The following PTPRG variants were observed in gnomAD, a reference collection of about 807,000 sequenced individuals.
PTPRG encodes protein tyrosine phosphatase receptor type G.
PTPRG carries 102 observed loss-of-function variants against 165.3 expected under a neutral mutation model. The ratio of observed to expected loss-of-function variants is 0.62; its 90% CI spans 0.53 to 0.73. PTPRG has a LOEUF of 0.73. Among genes scored for constraint, PTPRG ranks in the 30% least tolerant of loss-of-function variants. The probability of loss-of-function intolerance (pLI) is 0.00; values close to 1 mark genes in which losing one functional copy is unlikely to be tolerated. For missense variants in PTPRG, 1,866 were observed against 1,861.4 expected (o/e 1.00, Z -0.05); for synonymous variants, 675 against 669.5 (o/e 1.01, Z -0.13).
intron 15 of PTPRG, among the ~76,000 whole-genome samples, chr3:62,248,715 C>G (rs1428678531): frequency 2.6e-5 from 4 of 152,152 alleles, no homozygotes; most frequent in African/African-American, 9.7e-5. Flanking sequence ...AAGAGCTTTC[C>G]TAAATATGCA....
chr3:61,806,346 G>C (rs182282724), intron 2 of PTPRG, among the ~76,000 whole-genome samples: 313 of 152,276 alleles, frequency 2.1e-3, no homozygotes, highest in Middle Eastern at 6.8e-3. Context: ...TGTTACACAA[G>C]TGCATGTAGG....
At chr3:62,279,112 C>T (rs1175266899) in intron 26 of PTPRG, among the ~76,000 whole-genome samples, 1 of 151,972 alleles carries the variant, frequency 6.6e-6, no homozygotes, top group Non-Finnish European at 1.5e-5. Context: ...CATCATTGCA[C>T]AGTTTTTCCT....
intron 6 of PTPRG, among the ~76,000 whole-genome samples, chr3:62,148,297 G>A (rs1704197492): frequency 6.6e-6 from 1 of 152,140 alleles, no homozygotes; most frequent in Admixed American, 6.5e-5. Context: ...AGGTGAGGAG[G>A]CAGGTAGGTG....
At chr3:62,052,979 G>T (rs1337159687) in intron 4 of PTPRG, among the ~76,000 whole-genome samples, 2 of 152,116 alleles carry the variant, frequency 1.3e-5, no homozygotes, top group African/African-American at 4.8e-5. Flanking sequence ...AGGAAGCACA[G>T]CCCACACCAC....
At chr3:61,811,803 C>T (rs2035585076) in intron 2 of PTPRG, among the ~76,000 whole-genome samples, 1 of 152,142 alleles carries the variant, frequency 6.6e-6, no homozygotes, top group African/African-American at 2.4e-5. Context: ...TATAAAAATT[C>T]CCTCAAGAGT....
At position 61,682,280 on chromosome 3, in the gene PTPRG, A is replaced by G. The variant is rs557943595; in HGVS notation, c.86-66598A>G. Among the ~76,000 whole-genome samples the G allele has an allele frequency of 3.0e-4, 45 of 152,148 alleles. 1 individual carries two copies. In the South Asian group the frequency reaches 7.5e-3, roughly 25 times the overall value. On this transcript the variant is annotated intron_variant, in intron 1 of 29. Transcript: ENST00000474889. ...ATTCTCTGAATTTGATAATTCTACT[A>G]TGATTATATACGAGAATGTCTTTGT...
intron 4 of PTPRG, among the ~76,000 whole-genome samples, chr3:62,047,818 C>T (rs1281623386): frequency 6.6e-6 from 1 of 152,150 alleles, no homozygotes; most frequent in Non-Finnish European, 1.5e-5. Flanking sequence ...ATGCAATCAG[C>T]TTTTCTCTTC....
chr3:61,710,949 G>A (rs140007165), intron 1 of PTPRG, among the ~76,000 whole-genome samples: 24 of 151,990 alleles, frequency 1.6e-4, no homozygotes, highest in Admixed American at 9.2e-4. Context: ...AGGCCCTGGT[G>A]TGTGATGTTC....
intron 2 of PTPRG, among the ~76,000 whole-genome samples, chr3:61,977,195 AC>A (rs2040530443): frequency 1.6e-5 from 2 of 128,354 alleles, no homozygotes; most frequent in African/African-American, 6.3e-5. Context: ...GCCCTCCCCC[AC>A]CCCCCACACT....
rs921741206 is a variant in PTPRG, at chr3:61,716,206, C to T, written c.86-32672C>T. On this transcript the variant is annotated intron_variant, in intron 1 of 29. Coordinates refer to ENST00000474889, the MANE Select transcript of PTPRG (RefSeq NM_002841.4). ...CGTCACAACTCTGAGGTTCCTCTAACGTCATCTTGAACTCTGCAGAAGTGT... is the reference window on the plus strand; with the variant it reads ...CGTCACAACTCTGAGGTTCCTCTAATGTCATCTTGAACTCTGCAGAAGTGT... Among the ~76,000 whole-genome samples, 4 of 152,176 alleles carry T rather than the reference C, an allele frequency of 2.6e-5. No individual in the cohort carries two copies. In the South Asian group the frequency reaches 6.2e-4, roughly 24 times the overall value.
chr3:62,015,296 C>T (rs2107746655), intron 4 of PTPRG, among the ~76,000 whole-genome samples: 1 of 152,148 alleles, frequency 6.6e-6, no homozygotes, highest in East Asian at 1.9e-4. Flanking sequence ...GAGGCAGGAA[C>T]CCGGGGCTGC....
intron 28 of PTPRG, 80 bp downstream of exon 28, chr3:62,282,949 C>T (rs1410731671): frequency 1.3e-5 from 18 of 1,384,132 alleles, no homozygotes; most frequent in East Asian, 2.4e-5. Context: ...AAAAGGAAGC[C>T]AGAATTTTAA....
At chr3:61,989,186 T>G (rs1413021836) in intron 2 of PTPRG, among the ~76,000 whole-genome samples, 1 of 152,160 alleles carries the variant, frequency 6.6e-6, no homozygotes, top group African/African-American at 2.4e-5. Flanking sequence ...TAATTTTTTT[T>G]CCCTTTTTCA....
At chr3:62,092,444 A>AAAAAAAAG (rs1336622652) in intron 5 of PTPRG, among the ~76,000 whole-genome samples, 16 of 147,632 alleles carry the variant, frequency 1.1e-4, no homozygotes, top group Non-Finnish European at 4.4e-5. Flanking sequence ...CATCTGAAAA[A>AAAAAAAAG]AAAAAAAAAA....
At chr3:62,125,269 G>T (rs1328392568) in intron 5 of PTPRG, among the ~76,000 whole-genome samples, 1 of 152,134 alleles carries the variant, frequency 6.6e-6, no homozygotes, top group Admixed American at 6.5e-5. Flanking sequence ...TCAAAAGAAG[G>T]ATCAACCTGG....
intron 2 of PTPRG, among the ~76,000 whole-genome samples, chr3:61,766,523 A>C (rs1267020726): frequency 6.6e-6 from 1 of 152,064 alleles, no homozygotes; most frequent in Non-Finnish European, 1.5e-5. Flanking sequence ...GTAGATCTGG[A>C]ATTTCAGCTC....
chr3:62,234,936 T>C (rs946879358), intron 14 of PTPRG, among the ~76,000 whole-genome samples: 16 of 146,162 alleles, frequency 1.1e-4, no homozygotes, highest in Non-Finnish European at 3.0e-5. Flanking sequence ...TGAATCTACT[T>C]CCCCCCCCCG....
In PTPRG at chr3:62,255,216, G is replaced by T; in HGVS notation, c.2559+1G>T. ...GCATGGGTTCTCTGAGGATTTTGAG[G>T]TATGTTTCAAGGCTGGAAGTTAACT... On this transcript the variant is annotated splice_donor_variant, in intron 16 of 29. Transcript: ENST00000474889. LOFTEE classifies it high-confidence loss of function. The surrounding 1 kb of genome is among the most constrained non-coding windows in gnomAD (Gnocchi z 4.0). 1 of 1,609,150 alleles carries T rather than the reference G, an allele frequency of 6.2e-7. No individual in the cohort carries two copies. The highest frequency in any genetic ancestry group is 8.5e-7 in the Non-Finnish European group (1 of 1,177,044).
At chr3:62,112,627 A>T (rs1702712340) in intron 5 of PTPRG, among the ~76,000 whole-genome samples, 1 of 152,234 alleles carries the variant, frequency 6.6e-6, no homozygotes. Context: ...TGCTTCTAGC[A>T]TTTGAGGTAG....
Sources: allele counts gnomAD v4.1 joint callset (sites outside exome capture counted in the v4.1 genomes callset), GRCh38; gene constraint gnomAD v4.1.1; non-coding constraint Gnocchi (gnomAD v3.1); transcripts MANE v1.5; gene names NCBI Gene and HGNC (gene_info 2026-07-23, HGNC 2026-07-21).